Variants in CAMK2B observed in about 807,000 individuals in gnomAD.
CAMK2B encodes the protein calcium/calmodulin dependent protein kinase II beta, also known as calcium/calmodulin-dependent protein kinase type II subunit beta.
Under a neutral mutation model 93.7 loss-of-function variants are expected in CAMK2B, and 27 were observed. The ratio of observed to expected loss-of-function variants is 0.29; its 90% CI spans 0.21 to 0.40. CAMK2B has a LOEUF of 0.40. CAMK2B is among the 10% of genes least tolerant of loss of function. The pLI is 1.00. For missense variants in CAMK2B, 568 were observed against 895.8 expected (o/e 0.63, Z 4.67); for synonymous variants, 374 against 358.8 (o/e 1.04, Z -0.48).
In CAMK2B at chr7:44,247,156, A is replaced by G; in HGVS notation, c.378T>C (p.His126=). 6.2e-7 allele frequency: 1 copy of G among 1,614,096 alleles called. No individual in the cohort carries two copies. The highest frequency in any genetic ancestry group is 8.5e-7 in the Non-Finnish European group (1 of 1,179,976). Residue 126 remains histidine, a synonymous_variant, in exon 6 of 24, where the codon CAT becomes CAC. Transcript: ENST00000395749. ...TGTGGACGACCCCCATTTGGTGACA[A>G]TGGAGAACGGCCTCCAGGATCTGCT... ...CIQQILEAVL[H]CHQMGVVHRD... is the part of the protein sequence containing the mutation.
intron 1 of CAMK2B, among the ~76,000 whole-genome samples, chr7:44,291,861 T>C: frequency 6.6e-6 from 1 of 152,202 alleles, no homozygotes; most frequent in Admixed American, 6.5e-5. Flanking sequence ...ACTTGGAATC[T>C]GGGTGGCTCA....
chr7:44,324,568 G>A (rs1796989284), intron 1 of CAMK2B, among the ~76,000 whole-genome samples: 2 of 152,214 alleles, frequency 1.3e-5, no homozygotes, highest in African/African-American at 4.8e-5. Flanking sequence ...TTCCCCGTGA[G>A]GTCCCACTTC....
intron 1 of CAMK2B, among the ~76,000 whole-genome samples, chr7:44,316,568 G>T (rs1206575741): frequency 6.6e-6 from 1 of 152,124 alleles, no homozygotes; most frequent in Non-Finnish European, 1.5e-5. Flanking sequence ...TCTACTTTTT[G>T]GGGGAGCTTG....
chr7:44,255,672 G>A (rs1004785524), intron 4 of CAMK2B, among the ~76,000 whole-genome samples: 3 of 152,200 alleles, frequency 2.0e-5, no homozygotes, highest in Admixed American at 6.5e-5. Flanking sequence ...CTGGAATGTA[G>A]GGCTTAGGTC....
rs536606877 is a variant in CAMK2B at position 44,229,459 on chromosome 7, G to A, written c.1268C>T (p.Ser423Leu). The A allele has an allele frequency of 5.4e-4, 802 of 1,482,740 alleles. 20 individuals are homozygous for A. In the South Asian group the frequency reaches 9.3e-3, roughly 17 times the overall value. 91.8% of individuals were successfully genotyped at this position (1,482,740 alleles called of 1,614,324 possible). A position where few individuals can be genotyped will look rare whatever the true frequency, so the allele number is the denominator to read the frequency against. Residue 423 changes from serine (S) to leucine (L), a missense_variant, in exon 18 of 24, where the codon TCG becomes TTG. Physicochemically the swap from Ser to Leu is moderately radical, Grantham distance 145. Coordinates refer to ENST00000395749, the MANE Select transcript of CAMK2B (RefSeq NM_001220.5). ...PDILSSVRRG[S>L]GAPEAEGPLP... is the part of the protein sequence containing the mutation. ...GGGCCCCTCGGCTTCTGGGGCTCCC[G>A]AGCCCCTCCTCACTGAGCTCAGGAT...
Position 44,241,795 on chromosome 7 carries a change from T to C in CAMK2B, c.820-12A>G. On this transcript the variant is annotated splice_polypyrimidine_tract_variant and intron_variant, in intron 10 of 23. Coordinates refer to ENST00000395749, the MANE Select transcript of CAMK2B (RefSeq NM_001220.5). ...ACCGTGGAGCGTTGCTGTGGGGAAA[T>C]GGGTGGTCATATGGCAGCCGAGCCC... The C allele has an allele frequency of 1.2e-6, 2 of 1,609,218 alleles. No individual in the cohort carries two copies. Among genetic ancestry groups the C allele is most frequent in the Non-Finnish European group, 1.7e-6 (2 of 1,176,396 alleles).
At position 44,226,639 on chromosome 7, in the gene CAMK2B, TG is replaced by T; in HGVS notation, c.1473del (p.Arg492GlyfsTer6). On this transcript the variant is annotated frameshift_variant, in exon 20 of 24. Coordinates refer to ENST00000395749, the MANE Select transcript of CAMK2B (RefSeq NM_001220.5). LOFTEE classifies it high-confidence loss of function. ...ACAGAGTTCAGGATGTCAGAGATCC[TG>T]GGGGCTGGGGCGGAACAGACGAGAC... ...ALLGPLSSPS[P>X]RISDILNSVR... is the part of the protein sequence containing the mutation. The T allele has an allele frequency of 2.0e-6, 3 of 1,534,680 alleles. No homozygotes were observed. The highest frequency in any genetic ancestry group is 4.5e-5 in the Admixed American group (2 of 44,622).
At chr7:44,270,575 T>G (rs921056978) in intron 2 of CAMK2B, among the ~76,000 whole-genome samples, 1 of 152,234 alleles carries the variant, frequency 6.6e-6, no homozygotes, top group Non-Finnish European at 1.5e-5. Flanking sequence ...TGCTATGGGA[T>G]GTGGCACGCC....
rs377583568 is a variant in CAMK2B, at chr7:44,240,387, T to C, written c.946+320A>G. On this transcript the variant is annotated intron_variant, in intron 12 of 23. Transcript: ENST00000395749. The stretch of plus-strand genomic sequence containing the variant: ...CACTCAAAATGACAAGGAGGCCACA[T>C]AGATGCCCGACAAACGCCTGGACAG... Among the ~76,000 whole-genome samples, 3 of 152,098 alleles carry C rather than the reference T, an allele frequency of 2.0e-5. No homozygotes were observed. The East Asian group carries it at 5.8e-4, about 30-fold the overall frequency.
chr7:44,317,727 T>C (rs1001032482), intron 1 of CAMK2B, among the ~76,000 whole-genome samples: 12 of 152,224 alleles, frequency 7.9e-5, no homozygotes, highest in Non-Finnish European at 1.6e-4. Flanking sequence ...TTCTGGACAA[T>C]GCAGCTCTCG....
chr7:44,315,437 T>A (rs1283843371), intron 1 of CAMK2B, among the ~76,000 whole-genome samples: 1 of 152,220 alleles, frequency 6.6e-6, no homozygotes, highest in Non-Finnish European at 1.5e-5. Context: ...ATCTATGTAT[T>A]TATCCTTATG....
At position 44,286,583 on chromosome 7, in the gene CAMK2B, AC is replaced by A. The variant is rs1785191942; in HGVS notation, c.66-2359del. The stretch of plus-strand genomic sequence containing the variant: ...CGGCAAGCCACAGCTGTTCCTCAGC[AC>A]ACGACATCCATGCACCATATCACCA... On this transcript the variant is annotated intron_variant, in intron 1 of 23. Transcript: ENST00000395749. The surrounding 1 kb of genome is among the most constrained non-coding windows in gnomAD (Gnocchi z 4.0). 6.6e-6 allele frequency among the ~76,000 whole-genome samples: 1 copy of A among 152,198 alleles called. No individual in the cohort carries two copies. The highest frequency in any genetic ancestry group is 6.5e-5 in the Admixed American group (1 of 15,288).
Position 44,309,787 on chromosome 7 carries a change from G to A in CAMK2B, c.65+15570C>T, listed in dbSNP as rs979702127. Among the ~76,000 whole-genome samples, 65 of 152,352 alleles carry A rather than the reference G, an allele frequency of 4.3e-4. 1 individual carries two copies. The highest frequency in any genetic ancestry group is 1.5e-3 in the African/African-American group (61 of 41,590). ...ACACCAGCCCATCGGAAGAAACTGG[G>A]GACGAGAGAGATTCCGACGCCAGCA... On this transcript the variant is annotated intron_variant, in intron 1 of 23. Coordinates refer to ENST00000395749, the MANE Select transcript of CAMK2B (RefSeq NM_001220.5).
chr7:44,263,619 G>C (rs2096899487), intron 2 of CAMK2B, among the ~76,000 whole-genome samples: 1 of 152,016 alleles, frequency 6.6e-6, no homozygotes, highest in African/African-American at 2.4e-5. Flanking sequence ...CAAGGTGCGG[G>C]GCCCAGATCC....
intron 1 of CAMK2B, among the ~76,000 whole-genome samples, chr7:44,297,830 T>C (rs1339255171): frequency 6.6e-6 from 1 of 152,174 alleles, no homozygotes; most frequent in African/African-American, 2.4e-5. Context: ...TTTCAAAATT[T>C]AATATAAAAC....
At chr7:44,223,528 A>G (rs75627641) in intron 20 of CAMK2B, among the ~76,000 whole-genome samples, 1,888 of 152,204 alleles carry the variant, frequency 0.012, 29 homozygotes, top group African/African-American at 0.043. Flanking sequence ...GTCCCAACAC[A>G]TGCTGTGGCT....
chr7:44,250,688 C>A (rs2128999084), intron 5 of CAMK2B, among the ~76,000 whole-genome samples: 1 of 152,274 alleles, frequency 6.6e-6, no homozygotes, highest in South Asian at 2.1e-4. Context: ...CGCCACCACA[C>A]CAGGCTAATT....
chr7:44,242,552 G>T lies in CAMK2B; in HGVS notation c.696+8C>A. ...GGGAGCTCATCAGAGAGGGGCTGGT[G>T]CACTCACGTCATAGGCACCAGCCTT... On this transcript the variant is annotated splice_region_variant and intron_variant, in intron 9 of 23. Coordinates refer to ENST00000395749, the MANE Select transcript of CAMK2B (RefSeq NM_001220.5). The T allele has an allele frequency of 6.2e-7, 1 of 1,600,002 alleles. No individual in the cohort carries two copies.
rs191830028 is a variant in CAMK2B at position 44,319,611 on chromosome 7, C to T, written c.65+5746G>A. ...CCACTTGCACCCACCTCCACAGGCC[C>T]AGCCCCTGCAGCTGGTCGTGCTGAG... On this transcript the variant is annotated intron_variant, in intron 1 of 23. Coordinates refer to ENST00000395749, the MANE Select transcript of CAMK2B (RefSeq NM_001220.5). Among the ~76,000 whole-genome samples the T allele has an allele frequency of 2.6e-3, 398 of 152,262 alleles. 2 individuals are homozygous for T. The highest frequency in any genetic ancestry group is 9.1e-3 in the African/African-American group (376 of 41,536).
Sources: gnomAD v4.1 joint callset for allele counts (sites outside exome capture counted in the v4.1 genomes callset) on GRCh38, gnomAD v4.1.1 for gene constraint, Gnocchi (gnomAD v3.1) non-coding constraint, MANE v1.5 for transcripts, NCBI Gene and HGNC (gene_info 2026-07-23, HGNC 2026-07-21) for gene names.